Variants in FGF14 observed in about 807,000 individuals in gnomAD.
FGF14 encodes the protein fibroblast growth factor 14, also known as fibroblast growth factor homologous factor 4.
A neutral mutation model predicts 25.5 loss-of-function variants in FGF14; 5 were observed. The observed-to-expected ratio is 0.20, with a 90% confidence interval of 0.10 to 0.41. The LOEUF is 0.41. FGF14 is among the 10% of genes least tolerant of loss of function. The probability of loss-of-function intolerance (pLI) is 1.00; values close to 1 mark genes in which losing one functional copy is unlikely to be tolerated. For missense variants in FGF14, 222 were observed against 320.1 expected (o/e 0.69, Z 2.34); for synonymous variants, 138 against 118.3 (o/e 1.17, Z -1.08).
At chr13:102,389,329 C>A (rs998938008) in intron 1 of FGF14, among the ~76,000 whole-genome samples, 1 of 152,130 alleles carries the variant, frequency 6.6e-6, no homozygotes, top group African/African-American at 2.4e-5. Flanking sequence ...ATGTATACTA[C>A]CTTCTCAAAA....
intron 3 of FGF14, among the ~76,000 whole-genome samples, chr13:101,854,143 A>G (rs2044002907): frequency 6.6e-6 from 1 of 152,124 alleles, no homozygotes; most frequent in South Asian, 2.1e-4. Flanking sequence ...TCTTACAGGT[A>G]CTCAAACTGT....
chr13:101,816,970 A>C (rs1239277942), intron 3 of FGF14, among the ~76,000 whole-genome samples: 1 of 152,212 alleles, frequency 6.6e-6, no homozygotes, highest in Non-Finnish European at 1.5e-5. Context: ...CATTTCAGGC[A>C]GGTTTTGAAA....
chr13:101,949,669 C>T (rs2036032325), intron 1 of FGF14, among the ~76,000 whole-genome samples: 1 of 152,136 alleles, frequency 6.6e-6, no homozygotes, highest in Admixed American at 6.5e-5. Context: ...GATGTTAACT[C>T]ACTGAAAAAG....
At chr13:101,936,888 G>C (rs1184940472) in intron 1 of FGF14, among the ~76,000 whole-genome samples, 2 of 152,168 alleles carry the variant, frequency 1.3e-5, no homozygotes, top group Non-Finnish European at 2.9e-5. Flanking sequence ...GCAAATGAAT[G>C]TTCTCTTCCT....
At chr13:101,731,802 T>C (rs1423654527) in intron 3 of FGF14, among the ~76,000 whole-genome samples, 1 of 152,208 alleles carries the variant, frequency 6.6e-6, no homozygotes, top group Non-Finnish European at 1.5e-5. Flanking sequence ...TTTTCACCTG[T>C]TTTTGTAAAT....
chr13:102,016,715 G>A (rs1165682051), intron 1 of FGF14, among the ~76,000 whole-genome samples: 1 of 151,988 alleles, frequency 6.6e-6, no homozygotes, highest in Non-Finnish European at 1.5e-5. Context: ...TGAACTCCTG[G>A]GCTCAAGTGA....
chr13:101,829,839 C>A lies in FGF14; in HGVS notation c.408+38886G>T, dbSNP rs543405902. Among the ~76,000 whole-genome samples the A allele has an allele frequency of 3.9e-5, 6 of 152,134 alleles. No homozygotes were observed. The South Asian group carries it at 1.2e-3, about 32-fold the overall frequency. On this transcript the variant is annotated intron_variant, in intron 3 of 4. Transcript: ENST00000376143. ...TTTCAGCCCACTATTCTGTTTAGTC[C>A]TCATAGCAAATATATGAGGTGGGCT... is the stretch of plus-strand genomic sequence containing the variant.
chr13:101,728,445 T>C (rs1594049658), intron 3 of FGF14, among the ~76,000 whole-genome samples: 2 of 152,130 alleles, frequency 1.3e-5, no homozygotes, highest in Middle Eastern at 6.8e-3. Context: ...ATTAGTTTTC[T>C]CACTAATAAA....
chr13:102,229,873 T>C (rs2050998378), intron 1 of FGF14, among the ~76,000 whole-genome samples: 1 of 152,156 alleles, frequency 6.6e-6, no homozygotes, highest in Admixed American at 6.6e-5. Context: ...TAGGGTGAAT[T>C]ATTTGAGCAT....
At chr13:102,178,489 A>G (rs1161000877) in intron 1 of FGF14, among the ~76,000 whole-genome samples, 1 of 152,186 alleles carries the variant, frequency 6.6e-6, no homozygotes, top group Non-Finnish European at 1.5e-5. Context: ...TAATGTAACC[A>G]TCGCCCAAAT....
chr13:101,763,078 T>C (rs1039915840), intron 3 of FGF14, among the ~76,000 whole-genome samples: 2 of 152,128 alleles, frequency 1.3e-5, no homozygotes, highest in African/African-American at 2.4e-5. Context: ...TAGGGTTTGT[T>C]GGAAGTGTGT....
At chr13:101,902,499 T>C (rs1474518671) in intron 1 of FGF14, among the ~76,000 whole-genome samples, 2 of 152,166 alleles carry the variant, frequency 1.3e-5, no homozygotes, top group African/African-American at 2.4e-5. Flanking sequence ...ACCCCATTTT[T>C]CCTCATGAAA....
At chr13:102,023,000 C>G (rs114433732) in intron 1 of FGF14, among the ~76,000 whole-genome samples, 62 of 151,540 alleles carry the variant, frequency 4.1e-4, no homozygotes, top group African/African-American at 1.3e-3. Flanking sequence ...AAAGAATTTA[C>G]AGTCAATTAG....
intron 1 of FGF14, among the ~76,000 whole-genome samples, chr13:102,192,426 C>T (rs577151040): frequency 6.6e-5 from 10 of 152,280 alleles, no homozygotes; most frequent in African/African-American, 2.2e-4. Context: ...TTCAACCACA[C>T]CCTTCCTGTT....
At chr13:101,907,002 T>C (rs1413762461) in intron 1 of FGF14, among the ~76,000 whole-genome samples, 1 of 152,182 alleles carries the variant, frequency 6.6e-6, no homozygotes, top group Non-Finnish European at 1.5e-5. Flanking sequence ...ACTTGAGTGA[T>C]ATTTATCATT....
At chr13:102,173,537 C>G (rs531378903) in intron 1 of FGF14, among the ~76,000 whole-genome samples, 16 of 152,276 alleles carry the variant, frequency 1.1e-4, no homozygotes, top group African/African-American at 3.6e-4. Context: ...CTCATGTTCA[C>G]TGCAGCATGA....
chr13:102,361,540 G>GT (rs11428929), intron 1 of FGF14, among the ~76,000 whole-genome samples: 46,346 of 151,952 alleles, frequency 0.31, 7,531 homozygotes, highest in African/African-American at 0.41. Flanking sequence ...ATAGGAATTT[G>GT]TAACAGAATC....
chr13:102,048,456 C>T lies in FGF14; in HGVS notation c.209-173160G>A, dbSNP rs903464517. On this transcript the variant is annotated intron_variant, in intron 1 of 4. Transcript: ENST00000376131. ...CTTTGGATTCCATGTTTTATGCCCA[C>T]AACATTTGGAGGTAAATTATAATTT... Among the ~76,000 whole-genome samples the T allele has an allele frequency of 3.9e-5, 6 of 152,230 alleles. No homozygotes were observed. The South Asian group carries it at 6.2e-4, about 16-fold the overall frequency.
chr13:102,168,675 A>T (rs2048120534), intron 1 of FGF14, among the ~76,000 whole-genome samples: 1 of 152,164 alleles, frequency 6.6e-6, no homozygotes, highest in Non-Finnish European at 1.5e-5. Context: ...ACTTCTTATA[A>T]TAAACCATAG....
Sources: gnomAD v4.1 joint callset for allele counts (sites outside exome capture counted in the v4.1 genomes callset) on GRCh38, gnomAD v4.1.1 for gene constraint, MANE v1.5 for transcripts, NCBI Gene and HGNC (gene_info 2026-07-23, HGNC 2026-07-21) for gene names.